SRC: variants seen among roughly 807,000 people sequenced by gnomAD.
SRC encodes the protein SRC proto-oncogene, non-receptor tyrosine kinase.
SRC carries 13 observed loss-of-function variants against 62.9 expected under a neutral mutation model. The ratio of observed to expected loss-of-function variants is 0.21; its 90% confidence interval spans 0.13 to 0.33. The LOEUF is 0.33. SRC is among the 10% of genes least tolerant of loss of function. The pLI, the probability that SRC is intolerant of heterozygous loss-of-function variation, is 1.00. For synonymous variants in SRC, 302 were observed against 317.5 expected, an observed-to-expected ratio of 0.95 and a Z score of 0.52; for missense variants, 457 against 737.3, an observed-to-expected ratio of 0.62 and a Z score of 4.40.
chr20:37,358,080 T>G (rs2069910164), intron 1 of SRC, among the ~76,000 whole-genome samples: 1 of 152,152 alleles, frequency 6.6e-6, no homozygotes. Context: ...AAACTGACAT[T>G]TCAGAAGGGT....
In SRC at chr20:37,402,865, C is replaced by T. The variant is rs367543247; in HGVS notation, c.1387C>T (p.Arg463Trp). 10 of 1,613,764 alleles carry T rather than the reference C, an allele frequency of 6.2e-6. No individual in the cohort carries two copies. Among genetic ancestry groups the T allele is most frequent in the Non-Finnish European group, 8.5e-6 (10 of 1,179,878 alleles). Residue 463 changes from arginine (R) to tryptophan (W), a missense_variant, in exon 13 of 14, where the codon CGG becomes TGG. Physicochemically the swap from Arg to Trp is moderately radical, Grantham distance 101 (BLOSUM62 -3). Around this residue, in one of 4 missense-constraint regions of SRC, gnomAD observed 168 missense variants for 357.8 expected, o/e 0.47. Coordinates refer to ENST00000373578, the MANE Select transcript of SRC (RefSeq NM_198291.3). This position sits in a 1 kb window ranked among gnomAD's most constrained non-coding sequence, Gnocchi z 6.2. ...GCTGACTGAGCTCACCACAAAGGGA[C>T]GGGTGCCCTACCCTGGTAAGAAGGT... ...ILLTELTTKG[R>W]VPYPGMVNRE...
At chr20:37,389,663 C>T (rs534515920) in intron 5 of SRC, among the ~76,000 whole-genome samples, 2 of 152,326 alleles carry the variant, frequency 1.3e-5, no homozygotes, top group South Asian at 2.1e-4. Flanking sequence ...TCAGTGCCCA[C>T]GCTGGCACAT....
At chr20:37,376,865 C>A (rs530194440) in intron 2 of SRC, among the ~76,000 whole-genome samples, 3 of 152,178 alleles carry the variant, frequency 2.0e-5, no homozygotes, top group South Asian at 4.1e-4. Flanking sequence ...AAGATGTGGG[C>A]GATGAGATCA....
rs919330007 is a variant in SRC at position 37,384,606 on chromosome 20, G to A, written c.250+203G>A. 5.3e-5 allele frequency among the ~76,000 whole-genome samples: 8 copies of A among 152,174 alleles called. No homozygotes were observed. Among genetic ancestry groups the A allele is most frequent in the African/African-American group, 1.9e-4 (8 of 41,420 alleles). On this transcript the variant is annotated intron_variant, in intron 4 of 13. Transcript: ENST00000373578. This position sits in a 1 kb window ranked among gnomAD's most constrained non-coding sequence, Gnocchi z 6.7. ...CCGCGCCGCCGCCGCTGGCTTTGGGGTGGAGCAAGCGCAAAAGACACGGGG... is the reference window on the plus strand; with the variant it reads ...CCGCGCCGCCGCCGCTGGCTTTGGGATGGAGCAAGCGCAAAAGACACGGGG...
chr20:37,371,429 C>T (rs1464786863), intron 2 of SRC, among the ~76,000 whole-genome samples: 1 of 152,072 alleles, frequency 6.6e-6, no homozygotes, highest in Non-Finnish European at 1.5e-5. Context: ...AATGTCTTCC[C>T]TTTCATTCCT....
chr20:37,364,529 C>G (rs1292409189), intron 1 of SRC, among the ~76,000 whole-genome samples: 5 of 152,166 alleles, frequency 3.3e-5, no homozygotes, highest in Non-Finnish European at 1.5e-5. Context: ...TGGACTTTCT[C>G]TTCTCCAGGT....
intron 2 of SRC, among the ~76,000 whole-genome samples, chr20:37,371,303 T>G (rs771282760): frequency 2.0e-5 from 3 of 152,218 alleles, no homozygotes; most frequent in Non-Finnish European, 4.4e-5. Context: ...CTATTTCTTC[T>G]TATTTTTGAT....
Position 37,402,666 on chromosome 20 carries a change from A to G in SRC, c.1270+78A>G. 1.3e-6 allele frequency: 2 copies of G among 1,569,940 alleles called. No homozygotes were observed. The highest frequency in any genetic ancestry group is 1.7e-6 in the Non-Finnish European group (2 of 1,155,342). ...CGCTCTGAGCCCCAGTTTTTTCCTC[A>G]GCTGTCATTCCTCATGGTGCTTATC... On this transcript the variant is annotated intron_variant, in intron 12 of 13. Coordinates refer to ENST00000373578, the MANE Select transcript of SRC (RefSeq NM_198291.3). The surrounding 1 kb of genome is among the most constrained non-coding windows in gnomAD (Gnocchi z 6.2).
In SRC at chr20:37,362,442, C is replaced by T. The variant is rs2069989311; in HGVS notation, c.-246-2762C>T. On this transcript the variant is annotated intron_variant, in intron 1 of 13. Coordinates refer to ENST00000373578, the MANE Select transcript of SRC (RefSeq NM_198291.3). Reference sequence around the variant, plus strand: ...AGGCTGGGCCCCAAGGTTCTGTCTCCTCTTCCAGTTTCTCCTCAGCTCAGT... The same window carrying T: ...AGGCTGGGCCCCAAGGTTCTGTCTCTTCTTCCAGTTTCTCCTCAGCTCAGT... 2.0e-5 allele frequency among the ~76,000 whole-genome samples: 3 copies of T among 152,180 alleles called. No individual in the cohort carries two copies. In the South Asian group the frequency reaches 6.2e-4, roughly 32 times the overall value.
intron 1 of SRC, among the ~76,000 whole-genome samples, chr20:37,355,121 G>C (rs1215463425): frequency 6.6e-6 from 1 of 152,126 alleles, no homozygotes; most frequent in East Asian, 1.9e-4. Context: ...GACTGGCGCT[G>C]GGTGAAGTGG....
At chr20:37,395,188 C>G (rs1359206103) in intron 7 of SRC, among the ~76,000 whole-genome samples, 1 of 152,240 alleles carries the variant, frequency 6.6e-6, no homozygotes, top group Admixed American at 6.5e-5. Context: ...GGTTTGAGCC[C>G]CAGCCCTGTC....
intron 6 of SRC, 67 bp from the exon 7 acceptor site, chr20:37,394,107 G>A: frequency 6.4e-7 from 1 of 1,569,784 alleles, no homozygotes; most frequent in Non-Finnish European, 8.8e-7. Flanking sequence ...GCCATATCCA[G>A]GGAGAAGCAC....
rs2070428874 is a variant in SRC at position 37,384,913 on chromosome 20, G to T, written c.250+510G>T. Among the ~76,000 whole-genome samples, 2 of 152,170 alleles carry T rather than the reference G, an allele frequency of 1.3e-5. No homozygotes were observed. Among genetic ancestry groups the T allele is most frequent in the South Asian group, 4.1e-4 (2 of 4,830 alleles). Reference sequence around the variant, plus strand: ...CCGGAGAGGGCCGTTTTGGAGAGCCGCGGCGGTGCCCCAGACACTCCACGC... The same window carrying T: ...CCGGAGAGGGCCGTTTTGGAGAGCCTCGGCGGTGCCCCAGACACTCCACGC... On this transcript the variant is annotated intron_variant, in intron 4 of 13. Coordinates refer to ENST00000373578, the MANE Select transcript of SRC (RefSeq NM_198291.3). This position sits in a 1 kb window ranked among gnomAD's most constrained non-coding sequence, Gnocchi z 6.7.
chr20:37,385,972 C>T lies in SRC; in HGVS notation c.251-103C>T, dbSNP rs1226923664. Reference sequence around the variant, plus strand: ...ACTGTGTCTTTGGGCTGAGCACTTGCGTGTGGGAGACAAATCCACTCCTCC... The same window carrying T: ...ACTGTGTCTTTGGGCTGAGCACTTGTGTGTGGGAGACAAATCCACTCCTCC... On this transcript the variant is annotated intron_variant, in intron 4 of 13. Coordinates refer to ENST00000373578, the MANE Select transcript of SRC (RefSeq NM_198291.3). The T allele has an allele frequency of 1.0e-5, 9 of 870,630 alleles. 1 individual carries two copies. Among genetic ancestry groups the T allele is most frequent in the East Asian group, 2.4e-5 (1 of 41,252 alleles). The allele number at this position is 870,630 out of a possible 1,614,324, so 53.9% of individuals were successfully genotyped here. A position where few individuals can be genotyped will look rare whatever the true frequency, so the allele number is the denominator to read the frequency against.
intron 2 of SRC, among the ~76,000 whole-genome samples, chr20:37,368,710 G>A (rs1217482195): frequency 9.3e-5 from 14 of 150,398 alleles, no homozygotes; most frequent in African/African-American, 2.9e-4. Flanking sequence ...CCGCCACTAC[G>A]CCCGGCTATT....
At chr20:37,372,722 G>T (rs2070185535) in intron 2 of SRC, among the ~76,000 whole-genome samples, 1 of 152,036 alleles carries the variant, frequency 6.6e-6, no homozygotes, top group East Asian at 1.9e-4. Flanking sequence ...CTTGTCATAT[G>T]TTTGCGAGCC....
chr20:37,396,247 C>A lies in SRC; in HGVS notation c.639C>A (p.Gly213=). The A allele has an allele frequency of 6.2e-7, 1 of 1,613,976 alleles. No individual in the cohort carries two copies. The highest frequency in any genetic ancestry group is 8.5e-7 in the Non-Finnish European group (1 of 1,179,992). ...KHYKIRKLDS[G]GFYITSRTQF... ...ACAAGATCCGCAAGCTGGACAGCGG[C>A]GGCTTCTACATCACCTCCCGCACCC... The change falls in exon 8 of 14, where the codon GGC becomes GGA. Residue 213 remains glycine, a synonymous_variant. Coordinates refer to ENST00000373578, the MANE Select transcript of SRC (RefSeq NM_198291.3). The surrounding 1 kb of genome is among the most constrained non-coding windows in gnomAD (Gnocchi z 6.1).
rs2070384741 is a variant in SRC, at chr20:37,382,773, C to T, written c.-18C>T. The T allele has an allele frequency of 1.3e-5, 2 of 152,216 alleles. No individual in the cohort carries two copies. Among genetic ancestry groups the T allele is most frequent in the African/African-American group, 4.8e-5 (2 of 41,436 alleles). The allele number at this position is 152,216 out of a possible 1,614,324, so 9.4% of individuals were successfully genotyped here. ...CCTCCCAGGTCCTCTGGGACAGCCC[C>T]TGCCTTCTACCAGGTGAGATGATGG... On this transcript the variant is annotated 5_prime_UTR_variant, in exon 3 of 14. Coordinates refer to ENST00000373578, the MANE Select transcript of SRC (RefSeq NM_198291.3).
chr20:37,402,945 G>T lies in SRC; in HGVS notation c.1402+65G>T. 6.4e-7 allele frequency: 1 copy of T among 1,553,840 alleles called. No individual in the cohort carries two copies. The highest frequency in any genetic ancestry group is 8.7e-7 in the Non-Finnish European group (1 of 1,151,236). ...CCTCTGCCCTGGTGGCCTTGGGCAA[G>T]TCATGACTCCTGCTGGGCCTGTTTC... On this transcript the variant is annotated intron_variant, in intron 13 of 13. Coordinates refer to ENST00000373578, the MANE Select transcript of SRC (RefSeq NM_198291.3). The surrounding 1 kb of genome is among the most constrained non-coding windows in gnomAD (Gnocchi z 6.2).
Sources: allele counts gnomAD v4.1 joint callset (sites outside exome capture counted in the v4.1 genomes callset), GRCh38; gene constraint gnomAD v4.1.1; regional missense constraint gnomAD v4.1.1; non-coding constraint Gnocchi (gnomAD v3.1); transcripts MANE v1.5; gene names NCBI Gene and HGNC (gene_info 2026-07-23, HGNC 2026-07-21).